Variants in CSMD1 observed in about 807,000 individuals in gnomAD.
CSMD1 encodes the protein CUB and Sushi multiple domains 1.
A neutral mutation model predicts 417.5 loss-of-function variants in CSMD1; 213 were observed. The ratio of observed to expected loss-of-function variants is 0.51; its 90% CI spans 0.46 to 0.57. The LOEUF is 0.57. Ranked by LOEUF, CSMD1 falls within the 20% of genes least tolerant of loss-of-function variation. The pLI is 0.00. For synonymous variants in CSMD1, 2,862 were observed against 1,736.8 expected, an observed-to-expected ratio of 1.65 and a Z score of -16.11; for missense variants, 6,923 against 4,529.7, an observed-to-expected ratio of 1.53 and a Z score of -15.17.
chr8:3,402,356 G>A (rs201857131), intron 15 of CSMD1, among the ~76,000 whole-genome samples: 5 of 151,784 alleles, frequency 3.3e-5, no homozygotes, highest in Admixed American at 1.3e-4. Context: ...AAAATCACCC[G>A]TTTTCTACAG....
chr8:3,823,794 A>G (rs992244349), intron 5 of CSMD1, among the ~76,000 whole-genome samples: 3 of 152,174 alleles, frequency 2.0e-5, no homozygotes, highest in Admixed American at 6.5e-5. Context: ...TCAGTTTAAC[A>G]TAAATATGTT....
chr8:4,523,004 G>C (rs1000514450), intron 2 of CSMD1, among the ~76,000 whole-genome samples: 2 of 152,162 alleles, frequency 1.3e-5, no homozygotes, highest in African/African-American at 2.4e-5. Context: ...GTACTAAGGA[G>C]TAGGGCTTGT....
At chr8:3,903,101 G>A (rs1807868007) in intron 5 of CSMD1, among the ~76,000 whole-genome samples, 1 of 152,250 alleles carries the variant, frequency 6.6e-6, no homozygotes, top group African/African-American at 2.4e-5. Flanking sequence ...CTTGTCTGCT[G>A]AGCTAGGTGG....
intron 3 of CSMD1, among the ~76,000 whole-genome samples, chr8:4,169,299 G>A (rs937108474): frequency 2.0e-5 from 3 of 152,138 alleles, no homozygotes; most frequent in African/African-American, 4.8e-5. Flanking sequence ...GGCAACTCCT[G>A]ATCCTTCCTC....
intron 3 of CSMD1, among the ~76,000 whole-genome samples, chr8:4,066,104 C>G (rs9314509): frequency 0.42 from 63,312 of 152,020 alleles, 13,955 homozygotes; most frequent in Non-Finnish European, 0.46. Flanking sequence ...CAGTTCTGAG[C>G]TTCCCCTCCT....
chr8:3,591,907 T>C (rs1800864799), intron 8 of CSMD1, among the ~76,000 whole-genome samples: 1 of 152,000 alleles, frequency 6.6e-6, no homozygotes, highest in Non-Finnish European at 1.5e-5. Context: ...GATGGAGGAA[T>C]ATATGGATTA....
chr8:4,120,235 A>G (rs893286893), intron 3 of CSMD1, among the ~76,000 whole-genome samples: 2 of 152,184 alleles, frequency 1.3e-5, no homozygotes, highest in Non-Finnish European at 2.9e-5. Context: ...GCTGACAGCC[A>G]TGACTCCTGG....
chr8:3,349,377 T>G (rs951292301), intron 21 of CSMD1, among the ~76,000 whole-genome samples: 6 of 152,168 alleles, frequency 3.9e-5, no homozygotes. Flanking sequence ...TAGAGATCCA[T>G]GATTGCCCCC....
intron 2 of CSMD1, among the ~76,000 whole-genome samples, chr8:4,439,986 C>G (rs904810511): frequency 3.9e-5 from 6 of 152,100 alleles, no homozygotes; most frequent in Non-Finnish European, 8.8e-5. Flanking sequence ...CTTCACCAGC[C>G]TAGACATGGG....
chr8:3,441,655 C>A lies in CSMD1; in HGVS notation c.1561+27057G>T, dbSNP rs1814992573. Among the ~76,000 whole-genome samples the A allele has an allele frequency of 2.0e-5, 3 of 152,052 alleles. No individual in the cohort carries two copies. The South Asian group carries it at 6.2e-4, about 32-fold the overall frequency. On this transcript the variant is annotated intron_variant, in intron 12 of 69. Transcript: ENST00000635120. ...AGTAGCCATTGATCATAGCACAATG[C>A]ATTGCGCATGTGTTCCTGGTGATGC... is the stretch of plus-strand genomic sequence containing the variant.
intron 1 of CSMD1, among the ~76,000 whole-genome samples, chr8:4,977,247 AAAACTCTTTCT>A (rs1191617337): frequency 6.6e-6 from 1 of 152,208 alleles, no homozygotes; most frequent in Non-Finnish European, 1.5e-5. Flanking sequence ...AAGTGAGAGC[AAAACTCTTTCT>A]GCAAAGGTAA....
intron 49 of CSMD1, among the ~76,000 whole-genome samples, chr8:3,071,088 C>T (rs904868996): frequency 6.6e-6 from 1 of 152,086 alleles, no homozygotes; most frequent in Non-Finnish European, 1.5e-5. Context: ...ATGCCACACA[C>T]CCAGGTCTCA....
intron 5 of CSMD1, among the ~76,000 whole-genome samples, chr8:3,975,532 A>G (rs1334572518): frequency 6.6e-6 from 1 of 152,150 alleles, no homozygotes; most frequent in Non-Finnish European, 1.5e-5. Flanking sequence ...TGCTGCTGCC[A>G]TGGCTTCTCC....
intron 1 of CSMD1, among the ~76,000 whole-genome samples, chr8:4,643,072 G>T (rs1041818993): frequency 6.6e-6 from 1 of 152,170 alleles, no homozygotes. Context: ...AGCGTATATA[G>T]ATTTGTGTGT....
rs146984830 is a variant in CSMD1 at position 3,578,848 on chromosome 8, G to C, written c.1223-3782C>G. On this transcript the variant is annotated intron_variant, in intron 9 of 69. Transcript: ENST00000635120. ...AGTCAACGAAGTATGTGATTAACCAGCATAATTAAGTAACTACAGTATACC... is the reference window on the plus strand; with the variant it reads ...AGTCAACGAAGTATGTGATTAACCACCATAATTAAGTAACTACAGTATACC... Among the ~76,000 whole-genome samples the C allele has an allele frequency of 2.6e-4, 40 of 152,286 alleles. No individual in the cohort carries two copies. In the East Asian group the frequency reaches 7.1e-3, roughly 27 times the overall value.
intron 1 of CSMD1, among the ~76,000 whole-genome samples, chr8:4,824,864 T>A (rs1322117551): frequency 6.6e-6 from 1 of 152,144 alleles, no homozygotes; most frequent in Non-Finnish European, 1.5e-5. Context: ...AAGTGAAATG[T>A]CATTGTAATA....
chr8:4,377,967 A>G (rs117695545), intron 3 of CSMD1, among the ~76,000 whole-genome samples: 1,723 of 152,364 alleles, frequency 0.011, 17 homozygotes, highest in Middle Eastern at 0.027. Context: ...AGCAAATGAT[A>G]GAATTGTAGT....
chr8:3,720,618 C>G lies in CSMD1; in HGVS notation c.932-12127G>C, dbSNP rs1333228726. 5.3e-5 allele frequency among the ~76,000 whole-genome samples: 6 copies of G among 114,162 alleles called. No individual in the cohort carries two copies. The East Asian group carries it at 1.6e-3, about 30-fold the overall frequency. The allele number at this position is 114,162 out of a possible 152,430, so 74.9% of individuals were successfully genotyped here. On this transcript the variant is annotated intron_variant, in intron 6 of 69. Transcript: ENST00000635120. ...AGCATTGGTGGTCAAAGTCTTTATT[C>G]TTACACACACACACACACACACACA...
intron 3 of CSMD1, among the ~76,000 whole-genome samples, chr8:4,235,900 C>G (rs1440116839): frequency 6.6e-6 from 1 of 152,288 alleles, no homozygotes; most frequent in East Asian, 1.9e-4. Context: ...CATCCCGTAG[C>G]TGAGCCGCAG....
Sources: gnomAD v4.1 joint callset for allele counts (sites outside exome capture counted in the v4.1 genomes callset) on GRCh38, gnomAD v4.1.1 for gene constraint, MANE v1.5 for transcripts, NCBI Gene and HGNC (gene_info 2026-07-23, HGNC 2026-07-21) for gene names.